The following LHFPL3 variants were observed in gnomAD, a reference collection of about 807,000 sequenced individuals.
The protein encoded by LHFPL3 is LHFPL tetraspan subfamily member 3 protein.
A neutral mutation model predicts 19.3 loss-of-function variants in LHFPL3; 5 were observed. That is an observed-to-expected ratio of 0.26 (90% confidence interval 0.14 to 0.54). LHFPL3 has a LOEUF of 0.54. LHFPL3 is among the 20% of genes least tolerant of loss of function. The pLI is 0.94. For synonymous variants in LHFPL3, 133 were observed against 126.2 expected, an observed-to-expected ratio of 1.05 and a Z score of -0.36; for missense variants, 249 against 307.4, an observed-to-expected ratio of 0.81 and a Z score of 1.42.
intron 2 of LHFPL3, among the ~76,000 whole-genome samples, chr7:104,828,249 T>G (rs2116548214): frequency 6.6e-6 from 1 of 152,068 alleles, no homozygotes; most frequent in South Asian, 2.1e-4. Flanking sequence ...TAGTCAACTT[T>G]CCTGGGCCTT....
At chr7:104,450,892 G>A (rs1378435756) in intron 1 of LHFPL3, among the ~76,000 whole-genome samples, 1 of 152,178 alleles carries the variant, frequency 6.6e-6, no homozygotes. Context: ...CCCATTCTCA[G>A]TGAGCTTTTT....
intron 1 of LHFPL3, among the ~76,000 whole-genome samples, chr7:104,376,585 T>G (rs1485380279): frequency 6.6e-6 from 1 of 152,212 alleles, no homozygotes; most frequent in Non-Finnish European, 1.5e-5. Context: ...GGGCCTGAAC[T>G]GGCAGGGAGT....
chr7:104,891,366 C>T (rs1264476677), intron 2 of LHFPL3, among the ~76,000 whole-genome samples: 1 of 151,872 alleles, frequency 6.6e-6, no homozygotes, highest in Non-Finnish European at 1.5e-5. Flanking sequence ...AGCAGGCGTG[C>T]GAGACTGGAA....
intron 1 of LHFPL3, among the ~76,000 whole-genome samples, chr7:104,409,889 C>G (rs181024720): frequency 6.6e-6 from 1 of 152,102 alleles, no homozygotes; most frequent in East Asian, 2.0e-4. Context: ...ATCAATTGCT[C>G]TCCTGCCCAC....
chr7:104,599,931 A>G (rs554570743), intron 1 of LHFPL3, among the ~76,000 whole-genome samples: 22 of 152,262 alleles, frequency 1.4e-4, no homozygotes, highest in African/African-American at 5.3e-4. Context: ...TAAAGGCCCT[A>G]AACTTCTTAT....
intron 1 of LHFPL3, among the ~76,000 whole-genome samples, chr7:104,595,650 G>T (rs550325060): frequency 2.0e-5 from 3 of 152,194 alleles, no homozygotes; most frequent in African/African-American, 7.2e-5. Flanking sequence ...CTTTTGTTCC[G>T]CTATGCCCTA....
intron 1 of LHFPL3, among the ~76,000 whole-genome samples, chr7:104,382,314 C>G (rs1017265569): frequency 1.3e-5 from 2 of 152,118 alleles, no homozygotes; most frequent in African/African-American, 4.8e-5. Flanking sequence ...ATGGAGAAAC[C>G]CCGTCTCTAT....
intron 1 of LHFPL3, among the ~76,000 whole-genome samples, chr7:104,730,660 A>C (rs930194603): frequency 6.6e-6 from 1 of 151,992 alleles, no homozygotes; most frequent in African/African-American, 2.4e-5. Flanking sequence ...TTGTCAGATG[A>C]GTAGATTGCA....
chr7:104,774,007 C>T lies in LHFPL3; in HGVS notation c.682+37096C>T, dbSNP rs115748370. Among the ~76,000 whole-genome samples, 303 of 152,366 alleles carry T rather than the reference C, an allele frequency of 2.0e-3. 2 individuals are homozygous for T. Among genetic ancestry groups the T allele is most frequent in the African/African-American group, 6.9e-3 (289 of 41,584 alleles). ...GGGTAGGACAACTTCCGTGTAGTCACACATCTAGTTAATGTAAAGCCAGGA... is the reference window on the plus strand; with the variant it reads ...GGGTAGGACAACTTCCGTGTAGTCATACATCTAGTTAATGTAAAGCCAGGA... On this transcript the variant is annotated intron_variant, in intron 2 of 2. Coordinates refer to ENST00000424859, the MANE Select transcript of LHFPL3 (RefSeq NM_199000.3).
In LHFPL3 at chr7:104,466,018, C is replaced by T. The variant is rs528828369; in HGVS notation, c.445+136794C>T. Reference sequence around the variant, plus strand: ...TTGATTTAGAGTCTGTGCCATGTGGCGAAGAGAAGAATATATATTATGTTG... The same window carrying T: ...TTGATTTAGAGTCTGTGCCATGTGGTGAAGAGAAGAATATATATTATGTTG... On this transcript the variant is annotated intron_variant, in intron 1 of 2. Transcript: ENST00000424859. Among the ~76,000 whole-genome samples the T allele has an allele frequency of 7.2e-4, 109 of 152,150 alleles. 1 individual carries two copies. The highest frequency in any genetic ancestry group is 2.2e-3 in the African/African-American group (92 of 41,492).
chr7:104,559,160 C>T (rs1024532504), intron 1 of LHFPL3, among the ~76,000 whole-genome samples: 24 of 139,224 alleles, frequency 1.7e-4, no homozygotes, highest in African/African-American at 5.8e-4. Context: ...CTTGGCGATG[C>T]GGGCTCTTTT....
At chr7:104,442,072 T>C (rs1262832842) in intron 1 of LHFPL3, among the ~76,000 whole-genome samples, 1 of 152,172 alleles carries the variant, frequency 6.6e-6, no homozygotes, top group Non-Finnish European at 1.5e-5. Flanking sequence ...TTTTTTTCTT[T>C]TTTTTCAGAA....
At chr7:104,455,347 A>G (rs1792518934) in intron 1 of LHFPL3, among the ~76,000 whole-genome samples, 1 of 150,564 alleles carries the variant, frequency 6.6e-6, no homozygotes, top group Non-Finnish European at 1.5e-5. Flanking sequence ...ACAATTATAC[A>G]TGGTAAGCGC....
At chr7:104,545,064 T>C (rs1339004340) in intron 1 of LHFPL3, among the ~76,000 whole-genome samples, 1 of 152,220 alleles carries the variant, frequency 6.6e-6, no homozygotes, top group African/African-American at 2.4e-5. Context: ...CCTCCTAATA[T>C]GCTCTCAGAT....
chr7:104,871,556 T>C (rs1405694755), intron 2 of LHFPL3, among the ~76,000 whole-genome samples: 1 of 152,232 alleles, frequency 6.6e-6, no homozygotes, highest in Non-Finnish European at 1.5e-5. Context: ...TAACCTTAGC[T>C]TACTTCAGTT....
chr7:104,649,075 T>C (rs901524650), intron 1 of LHFPL3, among the ~76,000 whole-genome samples: 1 of 152,226 alleles, frequency 6.6e-6, no homozygotes, highest in Non-Finnish European at 1.5e-5. Flanking sequence ...TAGCTGCTGC[T>C]CAGCTAACAT....
At chr7:104,377,552 C>A (rs1246166449) in intron 1 of LHFPL3, among the ~76,000 whole-genome samples, 1 of 152,194 alleles carries the variant, frequency 6.6e-6, no homozygotes, top group East Asian at 1.9e-4. Context: ...AAGGAAATGA[C>A]AGAGTCTTTT....
intron 2 of LHFPL3, among the ~76,000 whole-genome samples, chr7:104,842,289 CG>C (rs1791229610): frequency 2.5e-4 from 1 of 4,002 alleles, no homozygotes; most frequent in Non-Finnish European, 5.8e-4. Flanking sequence ...GAACCTTTTG[CG>C]GGGGTGGGGG....
In LHFPL3 at chr7:104,716,728, C is replaced by G. The variant is rs1793395209; in HGVS notation, c.446-19947C>G. On this transcript the variant is annotated intron_variant, in intron 1 of 2. Transcript: ENST00000424859. ...TGTTTATGGATTGGAAGATTTAATA[C>G]TGTAAAAATGTCCATACTACCTAAA... Among the ~76,000 whole-genome samples the G allele has an allele frequency of 6.6e-5, 10 of 152,234 alleles. No individual in the cohort carries two copies. The South Asian group carries it at 2.1e-3, about 32-fold the overall frequency.
Sources: gnomAD v4.1 joint callset for allele counts (sites outside exome capture counted in the v4.1 genomes callset) on GRCh38, gnomAD v4.1.1 for gene constraint, MANE v1.5 for transcripts, NCBI Gene and HGNC (gene_info 2026-07-23, HGNC 2026-07-21) for gene names.